Variants in PALM2AKAP2 observed in about 807,000 individuals in gnomAD.
The protein encoded by PALM2AKAP2 is PALM2-AKAP2 fusion protein.
Under a neutral mutation model 71.5 loss-of-function variants are expected in PALM2AKAP2, and 37 were observed. That is an observed-to-expected ratio of 0.52 (90% CI 0.40 to 0.68). The LOEUF is 0.68. Among genes scored for constraint, PALM2AKAP2 ranks in the 30% least tolerant of loss-of-function variants. PALM2AKAP2 has a pLI of 0.00. For synonymous variants in PALM2AKAP2, 468 were observed against 478.8 expected (o/e 0.98, Z 0.29); for missense variants, 1,224 against 1,191.8 (o/e 1.03, Z -0.40).
At chr9:109,785,210 C>G (rs1171061935) in intron 1 of PALM2AKAP2, among the ~76,000 whole-genome samples, 7 of 152,232 alleles carry the variant, frequency 4.6e-5, no homozygotes, top group Admixed American at 4.6e-4. Flanking sequence ...AAATGCTAAT[C>G]TAACCTATGC....
chr9:109,664,145 T>G (rs745818011), intron 1 of PALM2AKAP2, among the ~76,000 whole-genome samples: 17 of 152,316 alleles, frequency 1.1e-4, no homozygotes, highest in Non-Finnish European at 2.1e-4. Context: ...TTTCTCCAAT[T>G]TGCCAGTCTG....
chr9:109,697,345 G>T (rs1827986896), intron 1 of PALM2AKAP2, among the ~76,000 whole-genome samples: 2 of 152,074 alleles, frequency 1.3e-5, no homozygotes. Flanking sequence ...TCTTTGTATA[G>T]AATATCTCTG....
chr9:110,016,126 C>T (rs1832976451), intron 7 of PALM2AKAP2, 87 bp downstream of exon 7: 19 of 1,246,190 alleles, frequency 1.5e-5, no homozygotes, highest in Non-Finnish European at 2.0e-5. Context: ...GCAAAATGAA[C>T]ACTACCAATC....
chr9:109,936,577 A>C (rs1192880163), intron 6 of PALM2AKAP2, among the ~76,000 whole-genome samples: 1 of 152,208 alleles, frequency 6.6e-6, no homozygotes, highest in Non-Finnish European at 1.5e-5. Context: ...TGCCAGGTGC[A>C]ATGCCAACTC....
chr9:109,765,905 C>A (rs1829143343), intron 1 of PALM2AKAP2, among the ~76,000 whole-genome samples: 1 of 152,162 alleles, frequency 6.6e-6, no homozygotes, highest in Admixed American at 6.5e-5. Flanking sequence ...TGGTCGGGGA[C>A]TTGGTATCAA....
At chr9:110,011,543 C>G (rs543549804) in intron 6 of PALM2AKAP2, among the ~76,000 whole-genome samples, 1 of 152,194 alleles carries the variant, frequency 6.6e-6, no homozygotes, top group Non-Finnish European at 1.5e-5. Flanking sequence ...CTCCTACCCA[C>G]TGGTCCAATG....
At chr9:109,925,104 T>A in intron 5 of PALM2AKAP2, 22 bp downstream of exon 5, 1 of 1,614,096 alleles carries the variant, frequency 6.2e-7, no homozygotes, top group South Asian at 1.1e-5. Context: ...CTGCCCCGAC[T>A]GTAGATGAAT....
At chr9:109,890,738 A>G (rs960209976) in intron 3 of PALM2AKAP2, among the ~76,000 whole-genome samples, 11 of 152,194 alleles carry the variant, frequency 7.2e-5, no homozygotes, top group African/African-American at 2.7e-4. Context: ...CTTGGAGTAC[A>G]TATTCAGTTA....
chr9:109,833,243 T>C (rs1477452375), intron 1 of PALM2AKAP2, among the ~76,000 whole-genome samples: 3 of 152,146 alleles, frequency 2.0e-5, no homozygotes, highest in Non-Finnish European at 4.4e-5. Flanking sequence ...TAATCTCAGC[T>C]ACTCAGGAGG....
chr9:109,941,751 A>T (rs1475349296), intron 6 of PALM2AKAP2, among the ~76,000 whole-genome samples: 2 of 152,162 alleles, frequency 1.3e-5, no homozygotes, highest in Non-Finnish European at 2.9e-5. Context: ...GTCCTTAGCA[A>T]CCCCAGACTG....
intron 1 of PALM2AKAP2, among the ~76,000 whole-genome samples, chr9:109,720,213 T>TC (rs1463653845): frequency 6.6e-6 from 1 of 152,142 alleles, no homozygotes; most frequent in Non-Finnish European, 1.5e-5. Flanking sequence ...GGTCTTCAAC[T>TC]CCAGACCTCA....
chr9:109,898,077 CTATT>C, intron 3 of PALM2AKAP2, among the ~76,000 whole-genome samples: 1 of 152,318 alleles, frequency 6.6e-6, no homozygotes, highest in East Asian at 1.9e-4. Flanking sequence ...TCTATGAAAT[CTATT>C]TGTGGATTTC....
intron 6 of PALM2AKAP2, among the ~76,000 whole-genome samples, chr9:109,970,115 C>T (rs938010784): frequency 1.3e-5 from 2 of 152,110 alleles, no homozygotes; most frequent in Non-Finnish European, 2.9e-5. Context: ...AGAACAATGT[C>T]CCTCTCTATC....
chr9:109,880,401 G>A lies in PALM2AKAP2; in HGVS notation c.127-150G>A, dbSNP rs560815584. ...ATCTCCTTGGGTGTTGATCTAGAGG[G>A]AAGTAGGGAGCCATGTTAGTGAGGA... On this transcript the variant is annotated intron_variant, in intron 2 of 9. Coordinates refer to the PALM2AKAP2 transcript ENST00000302798. The A allele has an allele frequency of 1.9e-3, 2,210 of 1,157,182 alleles. 6 individuals carry two copies. The highest frequency in any genetic ancestry group is 2.8e-3 in the Admixed American group (112 of 39,386). 71.7% of individuals were successfully genotyped at this position (1,157,182 alleles called of 1,614,324 possible). A position where few individuals can be genotyped will look rare whatever the true frequency, so the allele number is the denominator to read the frequency against.
intron 1 of PALM2AKAP2, among the ~76,000 whole-genome samples, chr9:110,089,276 G>A (rs1352473397): frequency 1.3e-5 from 2 of 152,178 alleles, no homozygotes; most frequent in Non-Finnish European, 2.9e-5. Context: ...AAATGGGGCT[G>A]AAGCCAAGAC....
intron 3 of PALM2AKAP2, among the ~76,000 whole-genome samples, chr9:109,920,795 CAAAT>C (rs3063871): frequency 1.0e-4 from 15 of 150,626 alleles, no homozygotes; most frequent in African/African-American, 3.4e-4. Flanking sequence ...AATCACACCT[CAAAT>C]AAATAAATAA....
intron 3 of PALM2AKAP2, among the ~76,000 whole-genome samples, chr9:110,165,644 GA>G (rs1444761263): frequency 3.9e-5 from 6 of 152,156 alleles, no homozygotes; most frequent in Admixed American, 3.9e-4. Context: ...TGGTATAAGT[GA>G]ATTACTGGGG....
chr9:109,825,571 CT>C (rs1365450217), intron 1 of PALM2AKAP2, among the ~76,000 whole-genome samples: 2 of 152,298 alleles, frequency 1.3e-5, no homozygotes, highest in Middle Eastern at 6.8e-3. Context: ...ACAGACACTT[CT>C]CAAAAGAAGA....
chr9:109,790,086 G>A (rs1180174568), intron 1 of PALM2AKAP2, among the ~76,000 whole-genome samples: 4 of 152,144 alleles, frequency 2.6e-5, no homozygotes, highest in African/African-American at 4.8e-5. Flanking sequence ...AGATCGAAGG[G>A]GAAAGAAAAG....
Sources: allele counts gnomAD v4.1 joint callset (sites outside exome capture counted in the v4.1 genomes callset), GRCh38; gene constraint gnomAD v4.1.1; transcripts MANE v1.5; gene names NCBI Gene and HGNC (gene_info 2026-07-23, HGNC 2026-07-21).